Variants in MSRB2 observed in about 807,000 individuals in gnomAD.
MSRB2 encodes the protein methionine sulfoxide reductase B2, also known as methionine-R-sulfoxide reductase B2, mitochondrial.
MSRB2 carries 17 observed loss-of-function variants against 19.0 expected under a neutral mutation model. The observed-to-expected ratio is 0.89, with a 90% CI of 0.61 to 1.34. The LOEUF (loss-of-function observed/expected upper bound fraction) is 1.34. MSRB2 is among the 40% of genes most tolerant of loss of function. MSRB2 has a pLI of 0.00. For missense variants in MSRB2, 208 were observed against 237.6 expected (o/e 0.88, Z 0.82); for synonymous variants, 107 against 99.7 (o/e 1.07, Z -0.44).
At chr10:23,116,296 G>T (rs539510833) in intron 3 of MSRB2, among the ~76,000 whole-genome samples, 1 of 152,240 alleles carries the variant, frequency 6.6e-6, no homozygotes, top group South Asian at 2.1e-4. Flanking sequence ...CATCCTACAG[G>T]CTGGGAAGCG....
In MSRB2 at chr10:23,119,342, C is replaced by G; in HGVS notation, c.335C>G (p.Ser112Trp). The G allele has an allele frequency of 6.2e-7, 1 of 1,614,128 alleles. No homozygotes were observed. Among genetic ancestry groups the G allele is most frequent in the Non-Finnish European group, 8.5e-7 (1 of 1,180,002 alleles). ...KKYCSGTGWP[S>W]FSEAHGTSGS... ...TACTGCTCTGGCACTGGGTGGCCTTCGTTTTCCGAGGCTCATGGTACGTCT... is the reference window on the plus strand; with the variant it reads ...TACTGCTCTGGCACTGGGTGGCCTTGGTTTTCCGAGGCTCATGGTACGTCT... The change falls in exon 4 of 5, where the codon TCG (serine) becomes TGG (tryptophan). Residue 112 changes from serine (S) to tryptophan (W), a missense_variant. By Grantham distance (177) the Ser-to-Trp change is radical. Coordinates refer to ENST00000376510, the MANE Select transcript of MSRB2 (RefSeq NM_012228.4).
Position 23,118,340 on chromosome 10 carries a change from T to TG in MSRB2, c.297-964_297-963insG, listed in dbSNP as rs1277206754. Among the ~76,000 whole-genome samples, 10 of 146,448 alleles carry TG rather than the reference T, an allele frequency of 6.8e-5. No individual in the cohort carries two copies. In the South Asian group the frequency reaches 2.2e-3, roughly 33 times the overall value. On this transcript the variant is annotated intron_variant, in intron 3 of 4. Transcript: ENST00000376510. ...TTTCTTCTTAGATTAGTTTTTTGTT[T>TG]TTTTTTTTTTTTTTTTGGCTGGGTC...
At chr10:23,102,234 T>G (rs544147024) in intron 1 of MSRB2, among the ~76,000 whole-genome samples, 88 of 152,306 alleles carry the variant, frequency 5.8e-4, no homozygotes, top group African/African-American at 7.2e-4. Flanking sequence ...GCAGACATCA[T>G]GACACTTTAC....
At chr10:23,117,665 A>G (rs1341942507) in intron 3 of MSRB2, among the ~76,000 whole-genome samples, 1 of 152,138 alleles carries the variant, frequency 6.6e-6, no homozygotes, top group Non-Finnish European at 1.5e-5. Context: ...ATCTCCACTC[A>G]CTGCAACCAC....
At chr10:23,097,419 T>A (rs1197840517) in intron 1 of MSRB2, among the ~76,000 whole-genome samples, 1 of 152,244 alleles carries the variant, frequency 6.6e-6, no homozygotes. Flanking sequence ...TGGTTCCTGA[T>A]GCAGACCTGC....
chr10:23,120,398 C>T (rs752982283), intron 4 of MSRB2, among the ~76,000 whole-genome samples: 10 of 152,150 alleles, frequency 6.6e-5, no homozygotes, highest in Non-Finnish European at 1.3e-4. Context: ...ACACTGGGTA[C>T]TACAATATTA....
At chr10:23,114,349 C>CAA (rs764900482) in intron 3 of MSRB2, among the ~76,000 whole-genome samples, 725 of 49,168 alleles carry the variant, frequency 0.015, 19 homozygotes, top group African/African-American at 0.049. Context: ...GACTCCATCT[C>CAA]AAAAAAAAAA....
At position 23,107,997 on chromosome 10, in the gene MSRB2, G is replaced by C. The variant is rs867321767; in HGVS notation, c.220-2245G>C. 2.2e-4 allele frequency among the ~76,000 whole-genome samples: 32 copies of C among 147,746 alleles called. 1 individual carries two copies. Among genetic ancestry groups the C allele is most frequent in the African/African-American group, 5.5e-4 (22 of 40,014 alleles). On this transcript the variant is annotated intron_variant, in intron 2 of 4. Coordinates refer to ENST00000376510, the MANE Select transcript of MSRB2 (RefSeq NM_012228.4). ...TTTCTTGAGATGGGGTTTTGCTCTT[G>C]TTGCCCAGGCTAGAGTGCAATGGTG...
At chr10:23,117,189 A>G (rs1229264624) in intron 3 of MSRB2, among the ~76,000 whole-genome samples, 1 of 152,238 alleles carries the variant, frequency 6.6e-6, no homozygotes, top group Non-Finnish European at 1.5e-5. Flanking sequence ...TGTAACAGAC[A>G]GATCCCAGAT....
chr10:23,095,761 T>C (rs1839854050), intron 1 of MSRB2, 35 bp downstream of exon 1: 2 of 1,209,646 alleles, frequency 1.7e-6, no homozygotes, highest in Admixed American at 8.2e-5. Context: ...CGCCGCCGCC[T>C]ACGGCTTTCG....
intron 2 of MSRB2, among the ~76,000 whole-genome samples, chr10:23,105,056 A>T (rs1839970515): frequency 6.6e-6 from 1 of 152,196 alleles, no homozygotes; most frequent in African/African-American, 2.4e-5. Context: ...ACTTTTGTGA[A>T]TGTTGAATGA....
At chr10:23,113,829 T>C (rs1253558971) in intron 3 of MSRB2, among the ~76,000 whole-genome samples, 2 of 152,016 alleles carry the variant, frequency 1.3e-5, no homozygotes, top group African/African-American at 4.8e-5. Context: ...CCTTAGAAGG[T>C]AGGAAGAGGC....
chr10:23,101,303 T>C (rs1311319414), intron 1 of MSRB2, among the ~76,000 whole-genome samples: 1 of 152,216 alleles, frequency 6.6e-6, no homozygotes, highest in African/African-American at 2.4e-5. Context: ...AATAATAGTC[T>C]CCAATTCCAT....
intron 3 of MSRB2, among the ~76,000 whole-genome samples, chr10:23,112,328 C>G (rs1840065559): frequency 6.6e-6 from 1 of 152,330 alleles, no homozygotes; most frequent in Middle Eastern, 3.4e-3. Context: ...AAGATGCACT[C>G]ATTTATGGGA....
intron 2 of MSRB2, among the ~76,000 whole-genome samples, chr10:23,108,475 C>CTTT (rs566565955): frequency 7.7e-5 from 10 of 129,260 alleles, no homozygotes; most frequent in South Asian, 2.5e-4. Context: ...GAAACTTCCT[C>CTTT]TTTTTTTTTT....
Position 23,120,681 on chromosome 10 carries a change from G to C in MSRB2, c.445-77G>C, listed in dbSNP as rs144507138. ...CAGACTCCGGAGTGGAGTGATTTTG[G>C]GGGGGTTCGTCTGTCTGGTTTTACA... On this transcript the variant is annotated intron_variant, in intron 4 of 4. Transcript: ENST00000376510. The C allele has an allele frequency of 1.6e-3, 1,715 of 1,086,600 alleles. 14 individuals carry two copies. The African/African-American group carries it at 0.023, about 14-fold the overall frequency. 67.3% of individuals were successfully genotyped at this position (1,086,600 alleles called of 1,614,324 possible).
intron 1 of MSRB2, among the ~76,000 whole-genome samples, chr10:23,097,109 G>A (rs141844639): frequency 6.6e-6 from 1 of 152,340 alleles, no homozygotes; most frequent in East Asian, 1.9e-4. Context: ...TTAAGCACTA[G>A]TCTCTTACAA....
At position 23,120,241 on chromosome 10, in the gene MSRB2, G is replaced by A. The variant is rs569284513; in HGVS notation, c.445-517G>A. Among the ~76,000 whole-genome samples the A allele has an allele frequency of 9.8e-5, 15 of 152,296 alleles. No homozygotes were observed. The East Asian group carries it at 2.7e-3, about 27-fold the overall frequency. On this transcript the variant is annotated intron_variant, in intron 4 of 4. Transcript: ENST00000376510. ...AGCACCTCTGCCTTCTGTGAGCCCC[G>A]TAGGAGAGAGTGGCTTAAATCCAGA...
intron 1 of MSRB2, 147 bp from the exon 2 acceptor site, chr10:23,103,997 T>A (rs1839956162): frequency 2.0e-6 from 1 of 511,816 alleles, no homozygotes; most frequent in Non-Finnish European, 3.4e-6. Context: ...AGCCTTCTGG[T>A]CCCCATGAAG....
Sources: gnomAD v4.1 joint callset for allele counts (sites outside exome capture counted in the v4.1 genomes callset) on GRCh38, gnomAD v4.1.1 for gene constraint, MANE v1.5 for transcripts, NCBI Gene and HGNC (gene_info 2026-07-23, HGNC 2026-07-21) for gene names.